Variants in LHFPL3 observed in about 807,000 individuals in gnomAD.
LHFPL3 encodes the protein LHFPL tetraspan subfamily member 3 protein.
LHFPL3 carries 5 observed loss-of-function variants against 19.3 expected under a neutral mutation model. The ratio of observed to expected loss-of-function variants is 0.26; its 90% CI spans 0.14 to 0.54. The LOEUF is 0.54. Ranked by LOEUF, LHFPL3 falls within the 20% of genes least tolerant of loss-of-function variation. LHFPL3 has a pLI of 0.94. For missense variants in LHFPL3, 249 were observed against 307.4 expected, an observed-to-expected ratio of 0.81 and a Z score of 1.42; for synonymous variants, 133 against 126.2, an observed-to-expected ratio of 1.05 and a Z score of -0.36.
chr7:104,870,008 G>T (rs1006834573), intron 2 of LHFPL3, among the ~76,000 whole-genome samples: 3 of 151,746 alleles, frequency 2.0e-5, no homozygotes, highest in Admixed American at 6.6e-5. Context: ...ACCAAACGCC[G>T]CATGTTCTCA....
intron 1 of LHFPL3, among the ~76,000 whole-genome samples, chr7:104,442,858 C>T (rs866843324): frequency 6.6e-6 from 1 of 152,174 alleles, no homozygotes; most frequent in Admixed American, 6.5e-5. Flanking sequence ...TCTAGAATGC[C>T]AAAGAATAGG....
At chr7:104,813,115 G>C (rs1263900353) in intron 2 of LHFPL3, among the ~76,000 whole-genome samples, 1 of 151,700 alleles carries the variant, frequency 6.6e-6, no homozygotes, top group Non-Finnish European at 1.5e-5. Flanking sequence ...CTTCATCTCG[G>C]GGAGAAAAAA....
chr7:104,456,814 T>C (rs1425843481), intron 1 of LHFPL3, among the ~76,000 whole-genome samples: 1 of 152,182 alleles, frequency 6.6e-6, no homozygotes, highest in Non-Finnish European at 1.5e-5. Context: ...ATCTACAACA[T>C]TGGACAAAGA....
At chr7:104,906,160 T>C (rs772517884) in intron 2 of LHFPL3, 27 bp from the exon 3 acceptor site, 4 of 1,606,464 alleles carry the variant, frequency 2.5e-6, no homozygotes, top group Non-Finnish European at 3.4e-6. Flanking sequence ...CCACCCTTTT[T>C]CTCTCTCTTC....
chr7:104,678,521 C>A (rs929604384), intron 1 of LHFPL3, among the ~76,000 whole-genome samples: 1 of 152,110 alleles, frequency 6.6e-6, no homozygotes, highest in African/African-American at 2.4e-5. Flanking sequence ...CCTGGCCAAA[C>A]TTGGTGTGTT....
At chr7:104,436,201 T>G (rs1584318852) in intron 1 of LHFPL3, among the ~76,000 whole-genome samples, 2 of 152,226 alleles carry the variant, frequency 1.3e-5, no homozygotes, top group South Asian at 4.1e-4. Context: ...TACTTTCACC[T>G]TAAAATATTT....
At position 104,679,842 on chromosome 7, in the gene LHFPL3, C is replaced by T. The variant is rs180718537; in HGVS notation, c.446-56833C>T. On this transcript the variant is annotated intron_variant, in intron 1 of 2. Transcript: ENST00000424859. ...ATATCAAAGAAAACTCAGGTGGTCT[C>T]TTCACTCTGAAGGGAAGAGAGCGAC... 3.3e-4 allele frequency among the ~76,000 whole-genome samples: 51 copies of T among 152,324 alleles called. 1 individual carries two copies. The highest frequency in any genetic ancestry group is 1.1e-3 in the African/African-American group (46 of 41,570).
chr7:104,410,339 G>T (rs1791512546), intron 1 of LHFPL3, among the ~76,000 whole-genome samples: 1 of 152,168 alleles, frequency 6.6e-6, no homozygotes, highest in African/African-American at 2.4e-5. Context: ...CACTATGTCA[G>T]ACAGGCTGGT....
chr7:104,621,397 G>C (rs993444560), intron 1 of LHFPL3, among the ~76,000 whole-genome samples: 1 of 152,170 alleles, frequency 6.6e-6, no homozygotes, highest in Non-Finnish European at 1.5e-5. Flanking sequence ...TAATATATGA[G>C]CTCCCAGAGT....
intron 1 of LHFPL3, among the ~76,000 whole-genome samples, chr7:104,408,495 A>G (rs1403098968): frequency 6.6e-6 from 1 of 152,126 alleles, no homozygotes; most frequent in African/African-American, 2.4e-5. Context: ...CCAAATATTG[A>G]TCAATATTGA....
At chr7:104,566,291 C>G (rs973181967) in intron 1 of LHFPL3, among the ~76,000 whole-genome samples, 2 of 152,112 alleles carry the variant, frequency 1.3e-5, no homozygotes, top group Non-Finnish European at 1.5e-5. Flanking sequence ...GGTGAGGCTG[C>G]AGTGAGTCGT....
intron 1 of LHFPL3, among the ~76,000 whole-genome samples, chr7:104,599,137 G>T (rs922287193): frequency 6.6e-6 from 1 of 152,118 alleles, no homozygotes; most frequent in Non-Finnish European, 1.5e-5. Flanking sequence ...ACAGATAATA[G>T]AGAAAACATT....
chr7:104,446,523 A>G (rs1157192944), intron 1 of LHFPL3, among the ~76,000 whole-genome samples: 1 of 151,842 alleles, frequency 6.6e-6, no homozygotes, highest in Non-Finnish European at 1.5e-5. Flanking sequence ...CATCAAAACT[A>G]TTTTATGTTT....
chr7:104,745,661 A>G (rs1195072558), intron 2 of LHFPL3, among the ~76,000 whole-genome samples: 1 of 152,310 alleles, frequency 6.6e-6, no homozygotes, highest in South Asian at 2.1e-4. Context: ...TACTTTTCTC[A>G]GTCAGAAATC....
intron 1 of LHFPL3, among the ~76,000 whole-genome samples, chr7:104,403,637 A>T (rs1791358398): frequency 6.6e-6 from 1 of 152,206 alleles, no homozygotes; most frequent in South Asian, 2.1e-4. Context: ...TTTGGAGGAA[A>T]AAGAAAGATG....
intron 2 of LHFPL3, among the ~76,000 whole-genome samples, chr7:104,820,961 C>G (rs1790665192): frequency 6.6e-6 from 1 of 152,140 alleles, no homozygotes; most frequent in Non-Finnish European, 1.5e-5. Context: ...CTCAGTGTTT[C>G]CTGCTTAAGC....
At chr7:104,737,988 G>C (rs1483847160) in intron 2 of LHFPL3, among the ~76,000 whole-genome samples, 4 of 92,474 alleles carry the variant, frequency 4.3e-5, no homozygotes, top group Admixed American at 1.1e-4. Flanking sequence ...GTTTATGCGG[G>C]TAAACTGTTT....
chr7:104,844,695 C>T (rs1791280616), intron 2 of LHFPL3, among the ~76,000 whole-genome samples: 1 of 152,168 alleles, frequency 6.6e-6, no homozygotes. Context: ...TTGGTATTGA[C>T]TAGGAATATT....
At chr7:104,615,117 G>T (rs1791307618) in intron 1 of LHFPL3, among the ~76,000 whole-genome samples, 1 of 152,004 alleles carries the variant, frequency 6.6e-6, no homozygotes, top group Non-Finnish European at 1.5e-5. Context: ...TATACTAAAA[G>T]TCTATACACA....
Sources: gnomAD v4.1 joint callset for allele counts (sites outside exome capture counted in the v4.1 genomes callset) on GRCh38, gnomAD v4.1.1 for gene constraint, MANE v1.5 for transcripts, NCBI Gene and HGNC (gene_info 2026-07-23, HGNC 2026-07-21) for gene names.